BUB1: variants seen among roughly 807,000 people sequenced by gnomAD.
BUB1 encodes BUB1 mitotic checkpoint serine/threonine kinase, also known as mitotic checkpoint serine/threonine-protein kinase BUB1.
BUB1 carries 84 observed loss-of-function variants against 135.2 expected under a neutral mutation model. The observed-to-expected ratio is 0.62, with a 90% CI of 0.52 to 0.74. BUB1 has a LOEUF of 0.74. BUB1 is among the 30% of genes least tolerant of loss of function. BUB1 has a pLI of 0.00. For synonymous variants in BUB1, 403 were observed against 434.4 expected (o/e 0.93, Z 0.90); for missense variants, 1,162 against 1,288.3 (o/e 0.90, Z 1.50).
intron 4 of BUB1, among the ~76,000 whole-genome samples, chr2:110,671,772 T>C (rs1285020652): frequency 6.6e-6 from 1 of 152,184 alleles, no homozygotes; most frequent in Non-Finnish European, 1.5e-5. Context: ...TATATGTACA[T>C]AAAGCATGCA....
In BUB1 at chr2:110,657,648, G is replaced by T; in HGVS notation, c.1517-3C>A. On this transcript the variant is annotated splice_region_variant and splice_polypyrimidine_tract_variant and intron_variant, in intron 13 of 24. Transcript: ENST00000302759. The stretch of plus-strand genomic sequence containing the variant: ...AGCCCCAGATGACCTTACATTTTCT[G>T]CAACAGAATAAAAAATAGCATCTAA... The T allele has an allele frequency of 6.4e-7, 1 of 1,551,712 alleles. No individual in the cohort carries two copies. The highest frequency in any genetic ancestry group is 8.7e-7 in the Non-Finnish European group (1 of 1,147,680).
At chr2:110,640,073 T>A in intron 23 of BUB1, 1 of 619,156 alleles carries the variant, frequency 1.6e-6, no homozygotes, top group Non-Finnish European at 3.0e-6. Context: ...TGAGCTACCA[T>A]GTCCCTCTCA....
intron 20 of BUB1, 117 bp downstream of exon 20, chr2:110,642,002 T>C: frequency 9.9e-7 from 1 of 1,005,090 alleles, no homozygotes; most frequent in East Asian, 2.6e-5. Context: ...TGTTTTTTAA[T>C]TGCCAACTGT....
intron 9 of BUB1, among the ~76,000 whole-genome samples, chr2:110,663,139 G>A (rs1690144689): frequency 6.6e-6 from 1 of 152,072 alleles, no homozygotes; most frequent in Admixed American, 6.5e-5. Context: ...AATTAGCTGG[G>A]CATGGTGGCG....
At chr2:110,667,870 A>T (rs1690304946) in intron 6 of BUB1, 21 bp from the exon 7 acceptor site, 4 of 1,608,164 alleles carry the variant, frequency 2.5e-6, no homozygotes, top group Non-Finnish European at 3.4e-6. Context: ...GAAAACAAAC[A>T]TGAGCATTCA....
At chr2:110,665,035 G>A (rs1265510578) in intron 9 of BUB1, among the ~76,000 whole-genome samples, 1 of 152,170 alleles carries the variant, frequency 6.6e-6, no homozygotes, top group Non-Finnish European at 1.5e-5. Context: ...ACATACACTT[G>A]AAAGGTAGCA....
intron 1 of BUB1, among the ~76,000 whole-genome samples, chr2:110,675,945 C>A (rs750434771): frequency 3.9e-5 from 6 of 152,316 alleles, no homozygotes; most frequent in Admixed American, 6.5e-5. Flanking sequence ...GCCACCATGT[C>A]CTGCCTAAAA....
In BUB1 at chr2:110,641,655, T is replaced by C; in HGVS notation, c.2612A>G (p.Tyr871Cys). ...GSVLVGELYSYGTLLNAINLY... is the reference protein window; with the variant it reads ...GSVLVGELYSCGTLLNAINLY... ...ATGAATACTTACTAATAATGTTCCA[T>C]AGCTGTAGAGCTCTCCTACTAATAC... Residue 871 changes from tyrosine to cysteine, a missense_variant, in exon 21 of 25, where the codon TAT becomes TGT. By Grantham distance (194) the Tyr-to-Cys change is radical. Transcript: ENST00000302759. The C allele has an allele frequency of 1.9e-6, 3 of 1,611,450 alleles. No individual in the cohort carries two copies. Among genetic ancestry groups the C allele is most frequent in the Non-Finnish European group, 1.7e-6 (2 of 1,179,496 alleles).
At position 110,641,648 on chromosome 2, in the gene BUB1, T is replaced by A; in HGVS notation, c.2619A>T (p.Thr873=). The A allele has an allele frequency of 6.2e-7, 1 of 1,610,242 alleles. No individual in the cohort carries two copies. Among genetic ancestry groups the A allele is most frequent in the Non-Finnish European group, 8.5e-7 (1 of 1,179,164 alleles). The change falls in exon 21 of 25, where the codon ACA becomes ACT. Residue 873 remains threonine, a synonymous_variant. Coordinates refer to ENST00000302759, the MANE Select transcript of BUB1 (RefSeq NM_004336.5). ...CATAAAAATGAATACTTACTAATAATGTTCCATAGCTGTAGAGCTCTCCTA... is the reference window on the plus strand; with the variant it reads ...CATAAAAATGAATACTTACTAATAAAGTTCCATAGCTGTAGAGCTCTCCTA... The part of the protein sequence containing the change: ...VLVGELYSYG[T]LLNAINLYKN...
intron 24 of BUB1, among the ~76,000 whole-genome samples, chr2:110,639,498 A>G (rs1249070911): frequency 6.6e-6 from 1 of 151,990 alleles, no homozygotes; most frequent in Non-Finnish European, 1.5e-5. Context: ...TGTGTACAGG[A>G]TGTCAACCAT....
At chr2:110,666,155 A>C (rs1690246399) in intron 9 of BUB1, 108 bp downstream of exon 9, 1 of 1,103,976 alleles carries the variant, frequency 9.1e-7, no homozygotes, top group African/African-American at 1.6e-5. Flanking sequence ...GAAAGTTACT[A>C]GCTAAATTAA....
chr2:110,644,153 T>C (rs1029886732), intron 19 of BUB1, among the ~76,000 whole-genome samples: 1 of 147,946 alleles, frequency 6.8e-6, no homozygotes, highest in Non-Finnish European at 1.5e-5. Flanking sequence ...AGATGTAGAA[T>C]GGGAATACCA....
chr2:110,658,825 A>G, intron 11 of BUB1, 83 bp from the exon 12 acceptor site: 3 of 1,527,058 alleles, frequency 2.0e-6, no homozygotes, highest in Non-Finnish European at 2.7e-6. Flanking sequence ...GTAAGTTACA[A>G]TTAAAACAGT....
intron 19 of BUB1, among the ~76,000 whole-genome samples, chr2:110,644,684 A>C (rs1335692316): frequency 6.6e-6 from 1 of 152,154 alleles, no homozygotes; most frequent in Non-Finnish European, 1.5e-5. Context: ...CATCTTACCT[A>C]TAGAGGAGCA....
intron 1 of BUB1, 131 bp from the exon 2 acceptor site, chr2:110,674,496 C>CA: frequency 1.3e-6 from 1 of 748,088 alleles, no homozygotes; most frequent in Non-Finnish European, 2.2e-6. Context: ...TTTATATATA[C>CA]ACCATTTATA....
chr2:110,650,896 TCA>T, intron 17 of BUB1, 112 bp from the exon 18 acceptor site: 1 of 1,004,694 alleles, frequency 1.0e-6, no homozygotes, highest in Non-Finnish European at 1.5e-6. Context: ...CACAATAGCC[TCA>T]CAGACTAAAA....
At chr2:110,666,473 T>C in intron 8 of BUB1, 59 bp from the exon 9 acceptor site, 16 of 1,233,934 alleles carry the variant, frequency 1.3e-5, no homozygotes, top group Non-Finnish European at 1.7e-5. Flanking sequence ...ATCATAGGAA[T>C]ACATGCAAAA....
intron 11 of BUB1, 136 bp from the exon 12 acceptor site, chr2:110,658,878 A>G: frequency 9.1e-7 from 1 of 1,095,112 alleles, no homozygotes; most frequent in Non-Finnish European, 1.3e-6. Flanking sequence ...CCAGTATTAT[A>G]GTGCTTTCAT....
At chr2:110,662,546 T>G (rs1020252679) in intron 9 of BUB1, among the ~76,000 whole-genome samples, 1 of 152,188 alleles carries the variant, frequency 6.6e-6, no homozygotes, top group African/African-American at 2.4e-5. Flanking sequence ...CTGTAATCAA[T>G]CCCAGAACTT....
Sources: gnomAD v4.1 joint callset for allele counts (sites outside exome capture counted in the v4.1 genomes callset) on GRCh38, gnomAD v4.1.1 for gene constraint, MANE v1.5 for transcripts, NCBI Gene and HGNC (gene_info 2026-07-23, HGNC 2026-07-21) for gene names.